Variants in AP3D1 observed in about 807,000 individuals in gnomAD.
The protein encoded by AP3D1 is AP-3 complex subunit delta-1.
In AP3D1, 51 loss-of-function variants were observed where a neutral mutation model predicts 147.6. The ratio of observed to expected loss-of-function variants is 0.35; its 90% CI spans 0.28 to 0.44. The LOEUF is 0.44. Among genes scored for constraint, AP3D1 ranks in the 20% least tolerant of loss-of-function variants. The pLI is 1.00. For missense variants in AP3D1, 1,421 were observed against 1,624.2 expected (o/e 0.87, Z 2.15); for synonymous variants, 760 against 663.0 (o/e 1.15, Z -2.25).
Position 2,129,243 on chromosome 19 carries a change from G to A in AP3D1, c.732+75C>T, listed in dbSNP as rs531095731. On this transcript the variant is annotated intron_variant, in intron 7 of 31. Transcript: ENST00000643116. ...GGGACAGGGGGGGCCTCGGTCACCCGCAGGGAATGCCCCACACAGGGTGAG... is the reference window on the plus strand; with the variant it reads ...GGGACAGGGGGGGCCTCGGTCACCCACAGGGAATGCCCCACACAGGGTGAG... 380 of 1,611,758 alleles carry A rather than the reference G, an allele frequency of 2.4e-4. No individual in the cohort carries two copies. In the African/African-American group the frequency reaches 3.1e-3, roughly 13 times the overall value.
rs774048177 is a variant in AP3D1 at position 2,114,228 on chromosome 19, T to C, written c.2498A>G (p.Asp833Gly). 1 of 1,613,896 alleles carries C rather than the reference T, an allele frequency of 6.2e-7. No homozygotes were observed. Among genetic ancestry groups the C allele is most frequent in the Non-Finnish European group, 8.5e-7 (1 of 1,179,938 alleles). ...GCTCTTCTTTTCTACCATGGGAACG[T>C]CCTTCTCAGGGGATTTTGAGGTCTC... is the stretch of plus-strand genomic sequence containing the variant. ...NTETSKSPEK[D>G]VPMVEKKSKK... Residue 833 changes from aspartate to glycine, a missense_variant, in exon 22 of 32, where the codon GAC becomes GGC. Transcript: ENST00000643116.
intron 20 of AP3D1, 71 bp from the exon 21 acceptor site, chr19:2,114,892 AC>A (rs1401357029): frequency 1.3e-6 from 2 of 1,518,276 alleles, no homozygotes; most frequent in African/African-American, 2.7e-5. Context: ...TCTATCTGGG[AC>A]GCAGTGGGAC....
intron 22 of AP3D1, 49 bp downstream of exon 22, chr19:2,114,076 G>A (rs765053378): frequency 2.1e-5 from 32 of 1,529,336 alleles, no homozygotes; most frequent in African/African-American, 1.5e-4. Context: ...GGGAGTTCAC[G>A]GCAAGGGAGG....
chr19:2,111,961 C>A, intron 24 of AP3D1, 133 bp from the exon 25 acceptor site: 3 of 1,423,352 alleles, frequency 2.1e-6, no homozygotes, highest in Non-Finnish European at 2.9e-6. Flanking sequence ...GCAGGACCAG[C>A]CACGCCTCAG....
intron 8 of AP3D1, among the ~76,000 whole-genome samples, chr19:2,127,870 T>C (rs555007520): frequency 1.3e-5 from 2 of 152,342 alleles, no homozygotes; most frequent in Admixed American, 6.5e-5. Flanking sequence ...ATAATCACCA[T>C]GGAGTCGCAG....
chr19:2,158,028 T>C (rs2019662471), intron 1 of AP3D1, among the ~76,000 whole-genome samples: 1 of 152,112 alleles, frequency 6.6e-6, no homozygotes, highest in Admixed American at 6.6e-5. Flanking sequence ...GTGCTCTTTT[T>C]TTTTCTTCCC....
intron 1 of AP3D1, among the ~76,000 whole-genome samples, chr19:2,140,293 G>A (rs1023925277): frequency 1.3e-5 from 2 of 152,064 alleles, no homozygotes; most frequent in South Asian, 2.1e-4. Context: ...TGGAGTTACC[G>A]CCCCAGCAAT....
chr19:2,132,597 G>A lies in AP3D1; in HGVS notation c.355-19C>T, dbSNP rs761882048. ...TCAAGTCCTGGAAAGTGAGAGAAAG[G>A]GGCCGTGGCCAGGATGCCCTGGGTG... On this transcript the variant is annotated intron_variant, in intron 4 of 31. Transcript: ENST00000643116. 3 of 1,591,644 alleles carry A rather than the reference G, an allele frequency of 1.9e-6. No homozygotes were observed. The highest frequency in any genetic ancestry group is 4.5e-5 in the East Asian group (2 of 44,208).
At chr19:2,156,305 TATCCATCCTTTC>T (rs2019644933), upstream of AP3D1, among the ~76,000 whole-genome samples, 1 of 151,884 alleles carries the variant, frequency 6.6e-6, no homozygotes, top group Admixed American at 6.6e-5. Flanking sequence ...GTCCCCAAAT[TATCCATCCTTTC>T]ATCCATCCTT....
chr19:2,110,699 G>A lies in AP3D1; in HGVS notation c.3175+8C>T. On this transcript the variant is annotated splice_region_variant and intron_variant, in intron 27 of 31. Transcript: ENST00000643116. ...CCCAGGAGAGGCCGTGAGTGGGGCA[G>A]GGCTCACCTGGGGGCAGCTGGAAAG... 6.3e-7 allele frequency: 1 copy of A among 1,588,100 alleles called. No homozygotes were observed. Among genetic ancestry groups the A allele is most frequent in the South Asian group, 1.1e-5 (1 of 87,916 alleles).
At chr19:2,109,425 G>A (rs563743514) in intron 29 of AP3D1, 10 of 590,110 alleles carry the variant, frequency 1.7e-5, no homozygotes, top group Middle Eastern at 4.7e-4. Flanking sequence ...AGAGGTCACA[G>A]AGGTGCCTGA....
At position 2,160,649 on chromosome 19, in the gene AP3D1, A is replaced by G. The variant is rs527645248; in HGVS notation, c.-103+3707T>C. Among the ~76,000 whole-genome samples the G allele has an allele frequency of 8.5e-5, 13 of 152,224 alleles. No homozygotes were observed. The East Asian group carries it at 2.5e-3, about 29-fold the overall frequency. On this transcript the variant is annotated intron_variant, in intron 1 of 14. Transcript: ENST00000643010. ...ACAGGCATTGGTCCATTCATCCCCA[A>G]AGTGTGTCTTAGCCCGGATAACCTG...
intron 4 of AP3D1, among the ~76,000 whole-genome samples, chr19:2,136,574 A>G (rs749757288): frequency 1.3e-5 from 2 of 152,186 alleles, no homozygotes; most frequent in African/African-American, 4.8e-5. Flanking sequence ...CAACATTTAC[A>G]TGGTGCTGAA....
chr19:2,121,600 G>T, intron 12 of AP3D1, 134 bp downstream of exon 12: 1 of 1,297,606 alleles, frequency 7.7e-7, no homozygotes, highest in Non-Finnish European at 1.0e-6. Context: ...GCGCCCCTCT[G>T]CCCTGCCCCA....
intron 1 of AP3D1, among the ~76,000 whole-genome samples, chr19:2,149,804 C>T (rs935629410): frequency 7.9e-5 from 12 of 152,200 alleles, no homozygotes; most frequent in African/African-American, 2.9e-4. Context: ...GGGACGGGCG[C>T]TGGGAGATCC....
intron 1 of AP3D1, among the ~76,000 whole-genome samples, chr19:2,163,582 T>C (rs956131090): frequency 4.0e-5 from 6 of 151,530 alleles, no homozygotes; most frequent in African/African-American, 1.5e-4. Context: ...GTGACTCTTA[T>C]GGGGGGAAAT....
At chr19:2,148,765 C>T (rs904940423) in intron 1 of AP3D1, among the ~76,000 whole-genome samples, 3 of 152,242 alleles carry the variant, frequency 2.0e-5, no homozygotes, top group South Asian at 2.1e-4. Context: ...TCTACTCCAT[C>T]GCACTGCCTT....
At chr19:2,142,662 C>T (rs1383645533) in intron 1 of AP3D1, among the ~76,000 whole-genome samples, 3 of 152,164 alleles carry the variant, frequency 2.0e-5, no homozygotes, top group Non-Finnish European at 2.9e-5. Context: ...GCCGCTGAGC[C>T]GCATGCAGGC....
At chr19:2,108,614 G>C in intron 31 of AP3D1, 73 bp downstream of exon 31, 1 of 1,420,328 alleles carries the variant, frequency 7.0e-7, no homozygotes, top group South Asian at 1.2e-5. Context: ...GCGCGCCTCT[G>C]GGGATGAAGG....
Sources: gnomAD v4.1 joint callset for allele counts (sites outside exome capture counted in the v4.1 genomes callset) on GRCh38, gnomAD v4.1.1 for gene constraint, MANE v1.5 for transcripts, NCBI Gene and HGNC (gene_info 2026-07-23, HGNC 2026-07-21) for gene names.